The following NEDD9 variants were observed in gnomAD, a reference collection of about 807,000 sequenced individuals.
The protein encoded by NEDD9 is enhancer of filamentation 1.
Under a neutral mutation model 76.6 loss-of-function variants are expected in NEDD9, and 26 were observed. The ratio of observed to expected loss-of-function variants is 0.34; its 90% CI spans 0.25 to 0.47. The LOEUF (loss-of-function observed/expected upper bound fraction) is 0.47. Among genes scored for constraint, NEDD9 ranks in the 20% least tolerant of loss-of-function variants. The probability of loss-of-function intolerance (pLI) is 1.00; values close to 1 mark genes in which losing one functional copy is unlikely to be tolerated. For synonymous variants in NEDD9, 392 were observed against 414.2 expected (o/e 0.95, Z 0.65); for missense variants, 937 against 1,058.5 (o/e 0.89, Z 1.59).
chr6:11,291,166 A>G (rs1760752611), intron 3 of NEDD9, among the ~76,000 whole-genome samples: 1 of 151,608 alleles, frequency 6.6e-6, no homozygotes, highest in Non-Finnish European at 1.5e-5. Context: ...TTTCCTTGCT[A>G]CTGCGGTTCA....
At chr6:11,210,010 A>T (rs898116810) in intron 2 of NEDD9, among the ~76,000 whole-genome samples, 1 of 139,020 alleles carries the variant, frequency 7.2e-6, no homozygotes. Flanking sequence ...AGAAAAAAGC[A>T]GTGCTGGGTA....
At chr6:11,200,992 T>C (rs965124754) in intron 2 of NEDD9, 3 of 1,614,108 alleles carry the variant, frequency 1.9e-6, no homozygotes, top group Non-Finnish European at 2.5e-6. Flanking sequence ...CACAAGCTGG[T>C]TTGTTTAGAG....
At chr6:11,358,180 C>T (rs1425557756) in intron 1 of NEDD9, among the ~76,000 whole-genome samples, 2 of 129,298 alleles carry the variant, frequency 1.5e-5, no homozygotes, top group African/African-American at 2.9e-5. Flanking sequence ...ATCCGGAAGG[C>T]GGAGGTTGCA....
intron 2 of NEDD9, among the ~76,000 whole-genome samples, chr6:11,322,255 G>A (rs542279851): frequency 6.6e-6 from 1 of 152,170 alleles, no homozygotes; most frequent in Admixed American, 6.5e-5. Flanking sequence ...ATGACGGGTT[G>A]ATAGGTGCAG....
At chr6:11,260,476 C>T (rs1343678039) in intron 3 of NEDD9, among the ~76,000 whole-genome samples, 1 of 152,138 alleles carries the variant, frequency 6.6e-6, no homozygotes, top group Admixed American at 6.5e-5. Flanking sequence ...GTATATATTT[C>T]ATAAGATGTT....
chr6:11,343,132 TA>T (rs35061159), intron 1 of NEDD9, among the ~76,000 whole-genome samples: 1 of 151,686 alleles, frequency 6.6e-6, no homozygotes, highest in Non-Finnish European at 1.5e-5. Context: ...AAAAAAACCT[TA>T]AAAAAGGTAA....
intron 2 of NEDD9, among the ~76,000 whole-genome samples, chr6:11,327,876 T>C (rs1319369168): frequency 6.6e-6 from 1 of 152,242 alleles, no homozygotes; most frequent in African/African-American, 2.4e-5. Context: ...TTAGGGTGTA[T>C]TCACAACATT....
chr6:11,301,653 C>A (rs1157588363), intron 3 of NEDD9, among the ~76,000 whole-genome samples: 1 of 152,110 alleles, frequency 6.6e-6, no homozygotes, highest in East Asian at 1.9e-4. Context: ...AGAACAGAAA[C>A]CACAACAAAC....
chr6:11,188,189 C>T lies in NEDD9; in HGVS notation c.1995+29G>A, dbSNP rs1330694775. 5 of 1,561,280 alleles carry T rather than the reference C, an allele frequency of 3.2e-6. 1 individual carries two copies. The South Asian group carries it at 3.3e-5, about 10-fold the overall frequency. The stretch of plus-strand genomic sequence containing the variant: ...GCTAGGTGGGAAATCTTTCCAATGC[C>T]AAGCAGTTTTTGCTCTGATTGAACT... On this transcript the variant is annotated intron_variant, in intron 6 of 6. Transcript: ENST00000379446.
chr6:11,305,368 C>T (rs956060108), intron 3 of NEDD9: 5 of 290,196 alleles, frequency 1.7e-5, no homozygotes, highest in Admixed American at 5.0e-5. Context: ...AAGCAAGGAC[C>T]AAAATTCAGA....
rs1297091779 is a variant in NEDD9, at chr6:11,296,674, CCTTTCCCTT to C, written c.12+9309_12+9317del. On this transcript the variant is annotated intron_variant, in intron 3 of 3. Coordinates refer to the NEDD9 transcript ENST00000397378. Reference sequence around the variant, plus strand: ...TCCTTCCTTTCCTTTCCTTTCCTTTCCTTTCCCTTCCTTCCTTCCTTCCTTCCTTCCTTC... The same window carrying C: ...TCCTTCCTTTCCTTTCCTTTCCTTTCCCTTCCTTCCTTCCTTCCTTCCTTC... Among the ~76,000 whole-genome samples the C allele has an allele frequency of 3.7e-3, 325 of 88,242 alleles. 1 individual carries two copies. Among genetic ancestry groups the C allele is most frequent in the African/African-American group, 6.9e-3 (131 of 19,118 alleles). 57.9% of individuals were successfully genotyped at this position (88,242 alleles called of 152,430 possible).
intron 1 of NEDD9, among the ~76,000 whole-genome samples, chr6:11,365,534 T>G: frequency 6.6e-6 from 1 of 152,170 alleles, no homozygotes; most frequent in East Asian, 1.9e-4. Context: ...AAAAGGTGAA[T>G]AGCAGAAGAG....
At position 11,298,303 on chromosome 6, in the gene NEDD9, A is replaced by T. The variant is rs575312586; in HGVS notation, c.12+7689T>A. Among the ~76,000 whole-genome samples the T allele has an allele frequency of 7.9e-5, 12 of 152,206 alleles. No homozygotes were observed. In the South Asian group the frequency reaches 2.3e-3, roughly 29 times the overall value. On this transcript the variant is annotated intron_variant, in intron 3 of 3. Coordinates refer to the NEDD9 transcript ENST00000397378. Reference sequence around the variant, plus strand: ...GTGATGTGTGTGTGTGAGTGTGTGTATCTGTGTGTATGAAAAGTTAAAATA... The same window carrying T: ...GTGATGTGTGTGTGTGAGTGTGTGTTTCTGTGTGTATGAAAAGTTAAAATA...
At chr6:11,249,599 T>A (rs1330609392) in intron 3 of NEDD9, among the ~76,000 whole-genome samples, 1 of 152,004 alleles carries the variant, frequency 6.6e-6, no homozygotes. Flanking sequence ...AGGTGTAGTC[T>A]CTATTCTAGG....
At chr6:11,309,333 C>T (rs1761295326) in intron 2 of NEDD9, among the ~76,000 whole-genome samples, 2 of 152,180 alleles carry the variant, frequency 1.3e-5, no homozygotes, top group South Asian at 4.1e-4. Context: ...TGTGTTGTTT[C>T]CAGTACTAGC....
intron 2 of NEDD9, among the ~76,000 whole-genome samples, chr6:11,311,277 T>C (rs1038428682): frequency 6.6e-6 from 1 of 152,200 alleles, no homozygotes; most frequent in East Asian, 1.9e-4. Context: ...GATGAGGTCC[T>C]ACTAGAGCAG....
chr6:11,315,215 T>C (rs1761515735), intron 2 of NEDD9, among the ~76,000 whole-genome samples: 1 of 152,318 alleles, frequency 6.6e-6, no homozygotes, highest in East Asian at 1.9e-4. Context: ...CTACCAAGAT[T>C]TTGCTTGACA....
upstream of NEDD9, among the ~76,000 whole-genome samples, chr6:11,234,236 G>C (rs760934878): frequency 6.6e-6 from 1 of 152,126 alleles, no homozygotes; most frequent in Non-Finnish European, 1.5e-5. Flanking sequence ...GCATTGTAAC[G>C]ATCTCCTTAA....
intron 1 of NEDD9, among the ~76,000 whole-genome samples, chr6:11,362,216 G>A (rs1762691475): frequency 6.6e-6 from 1 of 152,174 alleles, no homozygotes; most frequent in Admixed American, 6.5e-5. Flanking sequence ...CAATGAGAAG[G>A]CAGCAATCTG....
Sources: gnomAD v4.1 joint callset for allele counts (sites outside exome capture counted in the v4.1 genomes callset) on GRCh38, gnomAD v4.1.1 for gene constraint, MANE v1.5 for transcripts, NCBI Gene and HGNC (gene_info 2026-07-23, HGNC 2026-07-21) for gene names.